Variants in SNX8 observed in about 807,000 individuals in gnomAD.
SNX8 encodes the protein sorting nexin 8, also known as sorting nexin-8.
SNX8 carries 25 observed loss-of-function variants against 51.6 expected under a neutral mutation model. The ratio of observed to expected loss-of-function variants is 0.48; its 90% confidence interval spans 0.35 to 0.68. The LOEUF (loss-of-function observed/expected upper bound fraction) is 0.68. SNX8 is among the 30% of genes least tolerant of loss of function. The pLI, the probability that SNX8 is intolerant of heterozygous loss-of-function variation, is 0.00. For missense variants in SNX8, 695 were observed against 624.0 expected, an observed-to-expected ratio of 1.11 and a Z score of -1.21; for synonymous variants, 324 against 277.0, an observed-to-expected ratio of 1.17 and a Z score of -1.68.
chr7:2,326,298 G>A (rs1375782653), intron 1 of SNX8, among the ~76,000 whole-genome samples: 1 of 152,066 alleles, frequency 6.6e-6, no homozygotes, highest in Non-Finnish European at 1.5e-5. Flanking sequence ...CAGGGAGGCG[G>A]AGGTTGCAGT....
In SNX8 at chr7:2,257,527, GGGAGGCATTCGCCCGCTGTCT is replaced by G; in HGVS notation, c.985-34_985-14del. 1 of 1,600,942 alleles carries G rather than the reference GGGAGGCATTCGCCCGCTGTCT, an allele frequency of 6.2e-7. No individual in the cohort carries two copies. Among genetic ancestry groups the G allele is most frequent in the South Asian group, 1.1e-5 (1 of 90,700 alleles). ...GCTCGCACAGGTCCTGCGGGGCCGG[GGGAGGCATTCGCCCGCTGTCT>G]GGATGCCTGCGCCAGGGCCCTGCGG... is the stretch of plus-strand genomic sequence containing the variant. On this transcript the variant is annotated splice_polypyrimidine_tract_variant and intron_variant, in intron 8 of 10. Transcript: ENST00000222990.
In SNX8 at chr7:2,254,963, G is replaced by T. The variant is rs909733828; in HGVS notation, c.*93C>A. On this transcript the variant is annotated 3_prime_UTR_variant, in exon 11 of 11. Coordinates refer to ENST00000222990, the MANE Select transcript of SNX8 (RefSeq NM_013321.4). The stretch of plus-strand genomic sequence containing the variant: ...CTGCAGCACGGGGCGTGGCGGGGAG[G>T]GGAGCTGCCGTCCAAAGGGAATTAC... The T allele has an allele frequency of 3.4e-6, 3 of 878,052 alleles. No homozygotes were observed. Among genetic ancestry groups the T allele is most frequent in the Admixed American group, 4.0e-5 (2 of 49,498 alleles). The allele number at this position is 878,052 out of a possible 1,614,324, so 54.4% of individuals were successfully genotyped here. A position where few individuals can be genotyped will look rare whatever the true frequency, so the allele number is the denominator to read the frequency against.
chr7:2,277,899 A>G (rs531181240), intron 2 of SNX8, among the ~76,000 whole-genome samples: 31 of 152,104 alleles, frequency 2.0e-4, no homozygotes, highest in Admixed American at 4.6e-4. Context: ...TGGCTGGGCC[A>G]GAGTGAGGTG....
intron 1 of SNX8, among the ~76,000 whole-genome samples, chr7:2,324,036 C>T (rs939371482): frequency 1.1e-4 from 17 of 151,950 alleles, no homozygotes; most frequent in Admixed American, 2.0e-4. Context: ...AGGATAATCG[C>T]TTGAACCTGG....
In SNX8 at chr7:2,257,380, C is replaced by T. The variant is rs750436741; in HGVS notation, c.1119G>A (p.Glu373=). Residue 373 remains glutamate (E), a synonymous_variant, in exon 9 of 11, where the codon GAG becomes GAA. Coordinates refer to ENST00000222990, the MANE Select transcript of SNX8 (RefSeq NM_013321.4). ...CGCCACCCACCTCCACAATGCGGGA[C>T]TCCAGCTGCTCCACGGACTCCGGCT... is the stretch of plus-strand genomic sequence containing the variant. ...NREPESVEQL[E]SRIVEQENAI... is the part of the protein sequence containing the mutation. 2.5e-5 allele frequency: 40 copies of T among 1,608,294 alleles called. No individual in the cohort carries two copies. The highest frequency in any genetic ancestry group is 3.3e-5 in the Non-Finnish European group (39 of 1,179,492).
intron 1 of SNX8, among the ~76,000 whole-genome samples, chr7:2,323,957 T>C (rs1778583404): frequency 6.6e-6 from 1 of 151,702 alleles, no homozygotes; most frequent in South Asian, 2.1e-4. Flanking sequence ...CCGTCTCTAC[T>C]AAAAATACAA....
Position 2,278,089 on chromosome 7 carries a change from T to G in SNX8, c.300+11A>C. 1.2e-6 allele frequency: 2 copies of G among 1,611,676 alleles called. No homozygotes were observed. Among genetic ancestry groups the G allele is most frequent in the South Asian group, 2.2e-5 (2 of 90,826 alleles). On this transcript the variant is annotated intron_variant, in intron 2 of 10. Coordinates refer to ENST00000222990, the MANE Select transcript of SNX8 (RefSeq NM_013321.4). ...CCTCCTGCCCCGACACACACACAAT[T>G]TGCCAGTTACCTGGCTGGAAACCTC...
chr7:2,342,627 C>G (rs866222810), intron 1 of SNX8, among the ~76,000 whole-genome samples: 65 of 150,676 alleles, frequency 4.3e-4, no homozygotes, highest in African/African-American at 1.5e-3. Context: ...GCACTGCAGC[C>G]TAGGCGACAG....
At chr7:2,259,604 C>T (rs898317400) in intron 7 of SNX8, among the ~76,000 whole-genome samples, 2 of 152,196 alleles carry the variant, frequency 1.3e-5, no homozygotes, top group African/African-American at 4.8e-5. Context: ...CGACTGAACC[C>T]GGAGGCTCCC....
intron 5 of SNX8, among the ~76,000 whole-genome samples, chr7:2,268,423 G>A (rs1431404225): frequency 7.0e-5 from 10 of 143,334 alleles, no homozygotes; most frequent in Admixed American, 3.4e-4. Context: ...GTCTCCGCCC[G>A]GCAGCCACCC....
chr7:2,289,754 G>A lies in SNX8; in HGVS notation c.95-11449C>T, dbSNP rs145156522. 3.9e-3 allele frequency among the ~76,000 whole-genome samples: 587 copies of A among 152,196 alleles called. 4 individuals carry two copies. The highest frequency in any genetic ancestry group is 0.01 in the African/African-American group (422 of 41,536). Reference sequence around the variant, plus strand: ...GTTAGTAAAACGTAGTACTGTTCACGTGGGTATAACAAAGCCATTCGGGCC... The same window carrying A: ...GTTAGTAAAACGTAGTACTGTTCACATGGGTATAACAAAGCCATTCGGGCC... On this transcript the variant is annotated intron_variant, in intron 1 of 10. Coordinates refer to ENST00000222990, the MANE Select transcript of SNX8 (RefSeq NM_013321.4).
chr7:2,319,296 C>G (rs1335948846), upstream of SNX8, among the ~76,000 whole-genome samples: 7 of 151,776 alleles, frequency 4.6e-5, no homozygotes, highest in Non-Finnish European at 1.5e-5. Context: ...GAGCTGAGAT[C>G]ACACCACTGC....
At chr7:2,339,817 C>T (rs1320755752) in intron 1 of SNX8, among the ~76,000 whole-genome samples, 2 of 151,940 alleles carry the variant, frequency 1.3e-5, no homozygotes, top group East Asian at 3.9e-4. Context: ...AATAAGAACA[C>T]GTAGATTTAT....
At position 2,350,323 on chromosome 7, in the gene SNX8, T is replaced by C. The variant is rs775260962; in HGVS notation, c.-66+3899A>G. ...AGTCTCCGGGCTCAGGCAGCCTCTC[T>C]CCCCAGCCAGGTCAGGCTTCCCCAA... is the stretch of plus-strand genomic sequence containing the variant. On this transcript the variant is annotated intron_variant, in intron 1 of 5. Transcript: ENST00000435336. Among the ~76,000 whole-genome samples the C allele has an allele frequency of 9.1e-4, 138 of 152,184 alleles. 1 individual carries two copies. Among genetic ancestry groups the C allele is most frequent in the Admixed American group, 2.8e-3 (42 of 15,270 alleles).
At chr7:2,304,347 A>G (rs1180899765) in intron 1 of SNX8, among the ~76,000 whole-genome samples, 5 of 151,262 alleles carry the variant, frequency 3.3e-5, no homozygotes, top group African/African-American at 4.9e-5. Flanking sequence ...GATAGAGACC[A>G]TCCTGGCTAA....
At chr7:2,277,884 G>C (rs1319594567) in intron 2 of SNX8, among the ~76,000 whole-genome samples, 1 of 152,040 alleles carries the variant, frequency 6.6e-6, no homozygotes, top group Non-Finnish European at 1.5e-5. Flanking sequence ...GACCAGGTGG[G>C]GACGTGGCTG....
chr7:2,313,475 G>A (rs1397810698), intron 1 of SNX8, among the ~76,000 whole-genome samples: 8 of 149,734 alleles, frequency 5.3e-5, no homozygotes, highest in South Asian at 2.1e-4. Flanking sequence ...GCAATGAGCC[G>A]AGATCGCACC....
At chr7:2,310,513 A>G (rs62442538) in intron 1 of SNX8, among the ~76,000 whole-genome samples, 11,908 of 152,138 alleles carry the variant, frequency 0.078, 589 homozygotes, top group Middle Eastern at 0.17. Context: ...CACCCCTGTA[A>G]TCTCAGCACT....
chr7:2,334,350 C>T (rs1382813865), intron 1 of SNX8, among the ~76,000 whole-genome samples: 1 of 151,836 alleles, frequency 6.6e-6, no homozygotes, highest in Non-Finnish European at 1.5e-5. Context: ...TTGCAGTGAG[C>T]TGAGATCGCA....
Sources: allele counts gnomAD v4.1 joint callset (sites outside exome capture counted in the v4.1 genomes callset), GRCh38; gene constraint gnomAD v4.1.1; transcripts MANE v1.5; gene names NCBI Gene and HGNC (gene_info 2026-07-23, HGNC 2026-07-21).